Variants in SLC25A36 observed in about 807,000 individuals in gnomAD.
SLC25A36 encodes the protein epididymis secretory sperm binding protein.
SLC25A36 carries 24 observed loss-of-function variants against 35.3 expected under a neutral mutation model. The ratio of observed to expected loss-of-function variants is 0.68; its 90% CI spans 0.49 to 0.96. The LOEUF (loss-of-function observed/expected upper bound fraction) is 0.96, where lower values mean the gene tolerates loss of function less well. Ranked by LOEUF, SLC25A36 falls within the 40% of genes least tolerant of loss-of-function variation. The pLI, the probability that SLC25A36 is intolerant of heterozygous loss-of-function variation, is 0.00. For synonymous variants in SLC25A36, 141 were observed against 132.2 expected, an observed-to-expected ratio of 1.07 and a Z score of -0.46; for missense variants, 294 against 381.1, an observed-to-expected ratio of 0.77 and a Z score of 1.90.
chr3:140,953,404 G>T (rs982007002), intron 1 of SLC25A36, among the ~76,000 whole-genome samples: 16 of 146,862 alleles, frequency 1.1e-4, no homozygotes, highest in Non-Finnish European at 2.1e-4. Context: ...TTTGGGGGGG[G>T]GGTTAAATTT....
chr3:140,973,808 C>G lies in SLC25A36; in HGVS notation c.545C>G (p.Ala182Gly). 6.2e-7 allele frequency: 1 copy of G among 1,613,268 alleles called. No individual in the cohort carries two copies. Among genetic ancestry groups the G allele is most frequent in the Non-Finnish European group, 8.5e-7 (1 of 1,179,578 alleles). Reference protein sequence around the residue: ...GLKGFYRGMSASYAGISETVI... With the variant: ...GLKGFYRGMSGSYAGISETVI... Reference sequence around the variant, plus strand: ...AAAGGATTTTATAGGGGCATGTCTGCTTCATATGCTGGTATATCAGAGACT... The same window carrying G: ...AAAGGATTTTATAGGGGCATGTCTGGTTCATATGCTGGTATATCAGAGACT... Residue 182 changes from alanine (A) to glycine (G), a missense_variant, in exon 6 of 7, where the codon GCT (alanine) becomes GGT (glycine). By Grantham distance (60) the Ala-to-Gly change is moderately conservative. This residue lies in a region of SLC25A36 where 109 missense variants were observed against 179.7 expected (regional missense o/e 0.61). Transcript: ENST00000324194.
intron 1 of SLC25A36, among the ~76,000 whole-genome samples, chr3:140,951,864 C>T (rs1934335721): frequency 6.6e-6 from 1 of 152,058 alleles, no homozygotes; most frequent in South Asian, 2.1e-4. Context: ...GACAGGGTCT[C>T]ACTCTTTGGC....
intron 1 of SLC25A36, 127 bp from the exon 2 acceptor site, chr3:140,956,400 A>G: frequency 8.5e-7 from 1 of 1,181,416 alleles, no homozygotes; most frequent in South Asian, 2.9e-5. Context: ...GTCATCTAAC[A>G]TTAAAAATTA....
intron 4 of SLC25A36, chr3:140,968,380 G>A: frequency 2.2e-6 from 2 of 903,154 alleles, no homozygotes; most frequent in Non-Finnish European, 2.6e-6. Context: ...CATTGGGAGA[G>A]TTGAGCCAGA....
At chr3:140,969,679 TTAGTG>T (rs1009877436) in intron 4 of SLC25A36, among the ~76,000 whole-genome samples, 4 of 151,846 alleles carry the variant, frequency 2.6e-5, no homozygotes, top group Non-Finnish European at 5.9e-5. Context: ...TGGAAACAAT[TTAGTG>T]TAATTATTTT....
intron 2 of SLC25A36, among the ~76,000 whole-genome samples, chr3:140,958,535 A>G (rs1442114626): frequency 6.6e-6 from 1 of 152,184 alleles, no homozygotes; most frequent in Non-Finnish European, 1.5e-5. Context: ...ACAGCTAATT[A>G]TACAGTTAAA....
intron 1 of SLC25A36, among the ~76,000 whole-genome samples, chr3:140,949,590 A>G (rs1934264806): frequency 6.6e-6 from 1 of 152,196 alleles, no homozygotes; most frequent in South Asian, 2.1e-4. Context: ...TGGTTTCACT[A>G]CGAACATAAA....
At chr3:140,968,006 GC>G (rs1934805916) in intron 4 of SLC25A36, 4 of 984,918 alleles carry the variant, frequency 4.1e-6, no homozygotes, top group Non-Finnish European at 3.6e-6. Flanking sequence ...AATTTCAGGG[GC>G]ACCATTCCCA....
intron 1 of SLC25A36, among the ~76,000 whole-genome samples, chr3:140,954,544 G>C (rs777776918): frequency 6.6e-6 from 1 of 152,214 alleles, no homozygotes; most frequent in African/African-American, 2.4e-5. Context: ...TTGGCTGTTT[G>C]TTGGTCAGTC....
chr3:140,941,858 G>C lies in SLC25A36; in HGVS notation c.-197G>C, dbSNP rs1340090032. 1.8e-5 allele frequency: 9 copies of C among 504,202 alleles called. No homozygotes were observed. The highest frequency in any genetic ancestry group is 2.1e-5 in the Non-Finnish European group (6 of 281,300). 31.2% of individuals were successfully genotyped at this position (504,202 alleles called of 1,614,324 possible). ...TTCAGCCTCTGGTGAAGGGCGGCGC[G>C]CTTAGGCAGGCGGTGGCGCGGCTGG... On this transcript the variant is annotated 5_prime_UTR_variant, in exon 1 of 7. Transcript: ENST00000324194.
chr3:140,971,194 G>GTTGTTTTGTT (rs112026148), intron 5 of SLC25A36, among the ~76,000 whole-genome samples: 2 of 152,028 alleles, frequency 1.3e-5, no homozygotes, highest in African/African-American at 4.8e-5. Flanking sequence ...ATTAATATGT[G>GTTGTTTTGTT]TTGTTTTGTT....
At chr3:140,956,955 T>A in intron 2 of SLC25A36, 1 of 370,288 alleles carries the variant, frequency 2.7e-6, no homozygotes, top group Non-Finnish European at 4.2e-6. Flanking sequence ...CTAAAGCTAT[T>A]ATAAGTATTT....
rs186987827 is a variant in SLC25A36, at chr3:140,943,203, C to T, written c.41+1108C>T. 4.1e-3 allele frequency among the ~76,000 whole-genome samples: 622 copies of T among 152,236 alleles called. 4 individuals carry two copies. Among genetic ancestry groups the T allele is most frequent in the Non-Finnish European group, 7.0e-3 (473 of 68,008 alleles). On this transcript the variant is annotated intron_variant, in intron 1 of 6. Coordinates refer to ENST00000324194, the MANE Select transcript of SLC25A36 (RefSeq NM_001104647.3). ...CGGTGAATTATGCTGAGACTCTTAC[C>T]GGCATCTTCTTAAATCCTGCAGTTT...
At chr3:140,946,810 C>G (rs1934178197) in intron 1 of SLC25A36, among the ~76,000 whole-genome samples, 1 of 151,980 alleles carries the variant, frequency 6.6e-6, no homozygotes, top group Non-Finnish European at 1.5e-5. Context: ...GTAGAGAGGT[C>G]AAGAAGCTGA....
chr3:140,955,515 A>C (rs932648264), intron 1 of SLC25A36, among the ~76,000 whole-genome samples: 2 of 152,208 alleles, frequency 1.3e-5, no homozygotes, highest in African/African-American at 4.8e-5. Context: ...GAAAATAATA[A>C]TTACTCAGCC....
At chr3:140,954,614 A>G (rs1254136443) in intron 1 of SLC25A36, among the ~76,000 whole-genome samples, 2 of 152,144 alleles carry the variant, frequency 1.3e-5, no homozygotes, top group Non-Finnish European at 2.9e-5. Context: ...TCTACTTTGC[A>G]TTTCCCTGAT....
chr3:140,963,231 T>G lies in SLC25A36; in HGVS notation c.385+4T>G. 6.5e-7 allele frequency: 1 copy of G among 1,539,856 alleles called. No homozygotes were observed. The highest frequency in any genetic ancestry group is 2.3e-5 in the East Asian group (1 of 43,710). On this transcript the variant is annotated splice_donor_region_variant and intron_variant, in intron 4 of 6. Transcript: ENST00000324194. ...ATGATTTCAGCTGCAATGGCAGGTA[T>G]GAATGTATAATATTAAAAAAAAAAA...
chr3:140,979,782 C>A lies in SLC25A36; in HGVS notation c.*3329C>A, dbSNP rs1279818250. On this transcript the variant is annotated 3_prime_UTR_variant, in exon 7 of 7. Coordinates refer to ENST00000324194, the MANE Select transcript of SLC25A36 (RefSeq NM_001104647.3). ...CTATCAGTCATAGCTAAATAGTGAA[C>A]CTCAAAAGTGTTAACTTTTGACTAT... is the stretch of plus-strand genomic sequence containing the variant. 6.6e-6 allele frequency: 1 copy of A among 152,126 alleles called. No individual in the cohort carries two copies. Among genetic ancestry groups the A allele is most frequent in the Non-Finnish European group, 1.5e-5 (1 of 68,008 alleles). The allele number at this position is 152,126 out of a possible 1,614,324, so 9.4% of individuals were successfully genotyped here.
At chr3:140,952,850 T>A (rs1934364905) in intron 1 of SLC25A36, among the ~76,000 whole-genome samples, 1 of 152,242 alleles carries the variant, frequency 6.6e-6, no homozygotes, top group African/African-American at 2.4e-5. Context: ...ATTGAATACA[T>A]TTTTTAGAAG....
Sources: gnomAD v4.1 joint callset for allele counts (sites outside exome capture counted in the v4.1 genomes callset) on GRCh38, gnomAD v4.1.1 for gene constraint, gnomAD v4.1.1 regional missense constraint, MANE v1.5 for transcripts, NCBI Gene and HGNC (gene_info 2026-07-23, HGNC 2026-07-21) for gene names.